Variants in CSMD3 observed in about 807,000 individuals in gnomAD.
The protein encoded by CSMD3 is CUB and sushi domain-containing protein 3.
Under a neutral mutation model 435.2 loss-of-function variants are expected in CSMD3, and 177 were observed. The ratio of observed to expected loss-of-function variants is 0.41; its 90% CI spans 0.36 to 0.46. CSMD3 has a LOEUF of 0.46. Ranked by LOEUF, CSMD3 falls within the 20% of genes least tolerant of loss-of-function variation. The pLI, the probability that CSMD3 is intolerant of heterozygous loss-of-function variation, is 0.34. For synonymous variants in CSMD3, 1,656 were observed against 1,520.5 expected (o/e 1.09, Z -2.07); for missense variants, 4,265 against 4,504.6 (o/e 0.95, Z 1.52).
At chr8:112,855,806 A>T (rs1261814385) in intron 11 of CSMD3, among the ~76,000 whole-genome samples, 3 of 123,078 alleles carry the variant, frequency 2.4e-5, no homozygotes, top group African/African-American at 8.8e-5. Flanking sequence ...TGTCTTAGCG[A>T]AGCTTTTTTT....
At chr8:113,234,559 T>C (rs1053025781) in intron 3 of CSMD3, among the ~76,000 whole-genome samples, 1 of 152,206 alleles carries the variant, frequency 6.6e-6, no homozygotes, top group African/African-American at 2.4e-5. Context: ...TAGCTTCTAC[T>C]AGAACACAAG....
At chr8:112,818,095 A>G (rs2079428125) in intron 12 of CSMD3, among the ~76,000 whole-genome samples, 1 of 151,644 alleles carries the variant, frequency 6.6e-6, no homozygotes, top group African/African-American at 2.4e-5. Context: ...TTTATGAACT[A>G]TTTTTTTATG....
intron 3 of CSMD3, among the ~76,000 whole-genome samples, chr8:113,228,526 C>G (rs536337502): frequency 2.2e-4 from 34 of 151,352 alleles, no homozygotes; most frequent in African/African-American, 8.2e-4. Flanking sequence ...TCACAGAATG[C>G]CATGAAAAGG....
At position 112,223,236 on chromosome 8, in the gene CSMD3, C is replaced by A. The variant is rs2129731376; in HGVS notation, c.*1535G>T. 1 of 389,384 alleles carries A rather than the reference C, an allele frequency of 2.6e-6. No individual in the cohort carries two copies. The highest frequency in any genetic ancestry group is 3.6e-5 in the East Asian group (1 of 27,686). The allele number at this position is 389,384 out of a possible 1,614,324, so 24.1% of individuals were successfully genotyped here. Reference sequence around the variant, plus strand: ...CATGTTGAGAAAATTGTATGAATTTCCAAAACAATGTATCTCAAAGTGGTT... The same window carrying A: ...CATGTTGAGAAAATTGTATGAATTTACAAAACAATGTATCTCAAAGTGGTT... On this transcript the variant is annotated 3_prime_UTR_variant, in exon 71 of 71. Transcript: ENST00000297405.
intron 3 of CSMD3, among the ~76,000 whole-genome samples, chr8:113,223,622 CATAT>C (rs3048833): frequency 6.8e-6 from 1 of 146,106 alleles, no homozygotes; most frequent in African/African-American, 2.5e-5. Context: ...GTCAAGTATA[CATAT>C]ATATATATAT....
chr8:113,285,695 G>C (rs905445953), intron 2 of CSMD3, among the ~76,000 whole-genome samples: 2 of 152,164 alleles, frequency 1.3e-5, no homozygotes, highest in Non-Finnish European at 2.9e-5. Context: ...ATTTCAGGCA[G>C]ATATTTTTAA....
intron 32 of CSMD3, among the ~76,000 whole-genome samples, chr8:112,420,211 A>C (rs1812328100): frequency 6.6e-6 from 1 of 152,120 alleles, no homozygotes; most frequent in South Asian, 2.1e-4. Flanking sequence ...CCATGAAACC[A>C]TCACCCAACT....
intron 30 of CSMD3, among the ~76,000 whole-genome samples, chr8:112,496,493 A>C (rs112862501): frequency 2.6e-5 from 4 of 152,318 alleles, no homozygotes; most frequent in African/African-American, 9.6e-5. Context: ...TATCGAAGAG[A>C]TATCTGCACT....
At chr8:113,416,311 C>T (rs535605308) in intron 1 of CSMD3, among the ~76,000 whole-genome samples, 113 of 152,198 alleles carry the variant, frequency 7.4e-4, no homozygotes, top group African/African-American at 2.6e-3. Context: ...CAGAATTTTG[C>T]TTCCTATGTG....
chr8:113,355,283 T>C (rs776773000), intron 1 of CSMD3, among the ~76,000 whole-genome samples: 88 of 151,472 alleles, frequency 5.8e-4, no homozygotes, highest in South Asian at 3.1e-3. Flanking sequence ...CACACACACA[T>C]ATATATATAT....
At chr8:112,944,538 T>C (rs2083546549) in intron 9 of CSMD3, among the ~76,000 whole-genome samples, 1 of 151,786 alleles carries the variant, frequency 6.6e-6, no homozygotes, top group Non-Finnish European at 1.5e-5. Context: ...ATTATTTCAG[T>C]AGTTTATATA....
chr8:112,434,640 C>T (rs934633600), intron 32 of CSMD3, among the ~76,000 whole-genome samples: 3 of 152,072 alleles, frequency 2.0e-5, no homozygotes, highest in African/African-American at 4.8e-5. Context: ...ACTTGGCAGA[C>T]GTAAATTTAC....
In CSMD3 at chr8:112,527,905, G is replaced by T. The variant is rs555856412; in HGVS notation, c.4565-10680C>A. Among the ~76,000 whole-genome samples the T allele has an allele frequency of 2.6e-5, 4 of 152,208 alleles. No homozygotes were observed. In the South Asian group the frequency reaches 8.3e-4, roughly 32 times the overall value. On this transcript the variant is annotated intron_variant, in intron 27 of 70. Coordinates refer to ENST00000297405, the MANE Select transcript of CSMD3 (RefSeq NM_198123.2). ...AAAATAGATTTATTCAACTATTTGT[G>T]AAGTTCTGCTAAGGGAGCTGGCATA...
intron 4 of CSMD3, among the ~76,000 whole-genome samples, chr8:113,103,949 G>T (rs2090402410): frequency 6.6e-6 from 1 of 151,946 alleles, no homozygotes; most frequent in African/African-American, 2.4e-5. Context: ...GTATGACCTT[G>T]TTTTGGCTTT....
intron 5 of CSMD3, among the ~76,000 whole-genome samples, chr8:113,063,650 C>T (rs947063785): frequency 6.6e-6 from 1 of 151,888 alleles, no homozygotes; most frequent in African/African-American, 2.4e-5. Context: ...CTGCAAACTA[C>T]TGATCCATGT....
intron 52 of CSMD3, among the ~76,000 whole-genome samples, chr8:112,303,713 T>C (rs1821144426): frequency 6.6e-6 from 1 of 152,140 alleles, no homozygotes; most frequent in South Asian, 2.1e-4. Context: ...TCTATACTGA[T>C]ATAGAGATTC....
At chr8:112,693,442 C>A (rs1052886881) in intron 13 of CSMD3, among the ~76,000 whole-genome samples, 1 of 151,872 alleles carries the variant, frequency 6.6e-6, no homozygotes. Context: ...AATTTTAATT[C>A]AAAATTATTT....
chr8:113,175,662 A>G (rs557658616), intron 3 of CSMD3, among the ~76,000 whole-genome samples: 55 of 152,072 alleles, frequency 3.6e-4, no homozygotes, highest in Middle Eastern at 6.8e-3. Flanking sequence ...TTATTTGATT[A>G]ATAGATGAGA....
intron 5 of CSMD3, among the ~76,000 whole-genome samples, chr8:113,030,346 C>T (rs774919531): frequency 4.9e-5 from 7 of 142,182 alleles, no homozygotes; most frequent in Non-Finnish European, 9.1e-5. Context: ...AAGAACAAAT[C>T]TGGATGCATA....
Sources: allele counts gnomAD v4.1 joint callset (sites outside exome capture counted in the v4.1 genomes callset), GRCh38; gene constraint gnomAD v4.1.1; transcripts MANE v1.5; gene names NCBI Gene and HGNC (gene_info 2026-07-23, HGNC 2026-07-21).